TMEM132C: variants seen among roughly 807,000 people sequenced by gnomAD.
The protein encoded by TMEM132C is transmembrane protein 132C, also known as protein phosphatase 1, regulatory subunit 152.
Under a neutral mutation model 61.4 loss-of-function variants are expected in TMEM132C, and 29 were observed. That is an observed-to-expected ratio of 0.47 (90% CI 0.35 to 0.64). TMEM132C has a LOEUF of 0.64. Ranked by LOEUF, TMEM132C falls within the 30% of genes least tolerant of loss-of-function variation. The pLI, the probability that TMEM132C is intolerant of heterozygous loss-of-function variation, is 0.00. For synonymous variants in TMEM132C, 656 were observed against 633.1 expected, an observed-to-expected ratio of 1.04 and a Z score of -0.54; for missense variants, 1,408 against 1,476.9, an observed-to-expected ratio of 0.95 and a Z score of 0.76.
intron 3 of TMEM132C, among the ~76,000 whole-genome samples, chr12:128,609,229 C>A (rs1876539715): frequency 8.1e-6 from 1 of 123,054 alleles, no homozygotes; most frequent in Admixed American, 8.2e-5. Flanking sequence ...ACCCCCGCCT[C>A]CCTGCAACAC....
chr12:128,301,121 C>T (rs1871582845), intron 1 of TMEM132C, among the ~76,000 whole-genome samples: 1 of 152,032 alleles, frequency 6.6e-6, no homozygotes, highest in Admixed American at 6.5e-5. Flanking sequence ...GAGAAACAAA[C>T]AATGAATGGA....
At chr12:128,434,261 CTT>C (rs1369809634) in intron 2 of TMEM132C, among the ~76,000 whole-genome samples, 1 of 152,182 alleles carries the variant, frequency 6.6e-6, no homozygotes, top group Non-Finnish European at 1.5e-5. Context: ...GGACCTCACT[CTT>C]AGAGTTTCTG....
intron 2 of TMEM132C, among the ~76,000 whole-genome samples, chr12:128,501,484 G>A (rs944836090): frequency 6.6e-6 from 1 of 152,100 alleles, no homozygotes. Flanking sequence ...CCTTATAATG[G>A]TTACAGCTTG....
intron 2 of TMEM132C, among the ~76,000 whole-genome samples, chr12:128,487,510 G>T (rs1324250059): frequency 2.0e-5 from 3 of 151,674 alleles, no homozygotes; most frequent in Admixed American, 2.0e-4. Flanking sequence ...GCATGTATAT[G>T]TGCATATATA....
intron 2 of TMEM132C, among the ~76,000 whole-genome samples, chr12:128,528,584 G>C (rs1192170890): frequency 6.6e-6 from 1 of 152,098 alleles, no homozygotes. Context: ...AGTACTGTCC[G>C]TATCTGGGGC....
chr12:128,552,078 T>G (rs1470504289), intron 3 of TMEM132C, among the ~76,000 whole-genome samples: 1 of 152,168 alleles, frequency 6.6e-6, no homozygotes, highest in Non-Finnish European at 1.5e-5. Context: ...TGAGGCGGGC[T>G]CCCCAGCGGG....
At chr12:128,387,577 C>G (rs868559754) in intron 1 of TMEM132C, among the ~76,000 whole-genome samples, 2 of 152,060 alleles carry the variant, frequency 1.3e-5, no homozygotes, top group South Asian at 4.1e-4. Flanking sequence ...TTTGGGAGGC[C>G]GAGGCGGGTG....
chr12:128,639,478 A>G (rs1463354109), intron 4 of TMEM132C, among the ~76,000 whole-genome samples: 1 of 151,538 alleles, frequency 6.6e-6, no homozygotes, highest in Non-Finnish European at 1.5e-5. Context: ...AATAGTGGTG[A>G]CATCATGTTT....
chr12:128,496,068 A>G (rs1435255338), intron 2 of TMEM132C, among the ~76,000 whole-genome samples: 1 of 151,734 alleles, frequency 6.6e-6, no homozygotes, highest in Non-Finnish European at 1.5e-5. Context: ...TCTGTAAAGT[A>G]TTTTATTTCT....
intron 2 of TMEM132C, among the ~76,000 whole-genome samples, chr12:128,528,331 A>G (rs997105778): frequency 6.6e-6 from 1 of 152,304 alleles, no homozygotes; most frequent in East Asian, 1.9e-4. Context: ...TTATTCTCCC[A>G]TAATTAAATT....
At chr12:128,684,489 G>A (rs1056415775) in intron 5 of TMEM132C, among the ~76,000 whole-genome samples, 5 of 152,160 alleles carry the variant, frequency 3.3e-5, no homozygotes, top group South Asian at 2.1e-4. Context: ...AAAGTGGGGC[G>A]GGCAACCAGC....
intron 1 of TMEM132C, among the ~76,000 whole-genome samples, chr12:128,396,454 C>T (rs904350595): frequency 7.1e-6 from 1 of 140,320 alleles, no homozygotes; most frequent in African/African-American, 2.9e-5. Context: ...ACCTAGTGCA[C>T]GCGGGGCCTA....
intron 3 of TMEM132C, among the ~76,000 whole-genome samples, chr12:128,577,959 T>C (rs958082326): frequency 6.6e-6 from 1 of 152,266 alleles, no homozygotes; most frequent in South Asian, 2.1e-4. Flanking sequence ...TATCCGCAGG[T>C]CATTAGTACA....
chr12:128,518,271 T>C (rs1223296389), intron 2 of TMEM132C, among the ~76,000 whole-genome samples: 1 of 152,222 alleles, frequency 6.6e-6, no homozygotes, highest in Non-Finnish European at 1.5e-5. Flanking sequence ...TAGATATATA[T>C]TCTAGGAGTC....
intron 2 of TMEM132C, among the ~76,000 whole-genome samples, chr12:128,489,945 A>G (rs1204553923): frequency 6.6e-6 from 1 of 152,170 alleles, no homozygotes; most frequent in African/African-American, 2.4e-5. Context: ...GTATGCCACC[A>G]AAATCGTTGT....
At chr12:128,323,096 G>A (rs577356245) in intron 1 of TMEM132C, among the ~76,000 whole-genome samples, 2 of 152,186 alleles carry the variant, frequency 1.3e-5, no homozygotes, top group Non-Finnish European at 2.9e-5. Flanking sequence ...AAGCAAACCA[G>A]CTAATATTCA....
intron 1 of TMEM132C, among the ~76,000 whole-genome samples, chr12:128,311,696 G>A (rs528986182): frequency 2.6e-5 from 4 of 152,330 alleles, no homozygotes; most frequent in East Asian, 1.9e-4. Context: ...GCAGGCTGCG[G>A]TGTGGCCATC....
chr12:128,469,174 A>C (rs1870845490), intron 2 of TMEM132C, among the ~76,000 whole-genome samples: 2 of 152,178 alleles, frequency 1.3e-5, no homozygotes, highest in Admixed American at 1.3e-4. Context: ...TTGGCAGCCT[A>C]AGCCATTTCC....
intron 2 of TMEM132C, among the ~76,000 whole-genome samples, chr12:128,432,645 CT>C (rs1869430871): frequency 6.6e-6 from 1 of 152,182 alleles, no homozygotes; most frequent in African/African-American, 2.4e-5. Context: ...AGAATGACTT[CT>C]TGCAGATGAG....
Sources: allele counts gnomAD v4.1 joint callset (sites outside exome capture counted in the v4.1 genomes callset), GRCh38; gene constraint gnomAD v4.1.1; transcripts MANE v1.5; gene names NCBI Gene and HGNC (gene_info 2026-07-23, HGNC 2026-07-21).